Variants in ATP8A2 observed in about 807,000 individuals in gnomAD.
ATP8A2 encodes the protein phospholipid-transporting ATPase IB.
In ATP8A2, 100 loss-of-function variants were observed where a neutral mutation model predicts 165.6. That is an observed-to-expected ratio of 0.60 (90% CI 0.51 to 0.71). The LOEUF (loss-of-function observed/expected upper bound fraction) is 0.71, where lower values mean the gene tolerates loss of function less well. Among genes scored for constraint, ATP8A2 ranks in the 30% least tolerant of loss-of-function variants. The probability of loss-of-function intolerance (pLI) is 0.00; values close to 1 mark genes in which losing one functional copy is unlikely to be tolerated. For missense variants in ATP8A2, 1,227 were observed against 1,479.5 expected (o/e 0.83, Z 2.80); for synonymous variants, 543 against 548.8 (o/e 0.99, Z 0.15).
At chr13:25,777,857 T>C (rs112889664) in intron 27 of ATP8A2, among the ~76,000 whole-genome samples, 40 of 152,336 alleles carry the variant, frequency 2.6e-4, no homozygotes, top group African/African-American at 9.4e-4. Context: ...GATGTATTCA[T>C]GTTGCTATAT....
chr13:25,937,362 C>CTTTTTTTTTTTTTTTT (rs1555293658), intron 33 of ATP8A2, among the ~76,000 whole-genome samples: 7 of 38,796 alleles, frequency 1.8e-4, no homozygotes, highest in African/African-American at 4.8e-4. Flanking sequence ...TTCTTTCTTT[C>CTTTTTTTTTTTTTTTT]TTTTTTTTTT....
chr13:25,821,204 T>C (rs1951172229), intron 27 of ATP8A2, among the ~76,000 whole-genome samples: 1 of 152,208 alleles, frequency 6.6e-6, no homozygotes, highest in Non-Finnish European at 1.5e-5. Flanking sequence ...AGAGGAAATA[T>C]CCCAACATTC....
At chr13:25,829,669 TATA>T (rs1951407817) in intron 28 of ATP8A2, among the ~76,000 whole-genome samples, 1 of 2,642 alleles carries the variant, frequency 3.8e-4, no homozygotes, top group Non-Finnish European at 8.6e-4. Context: ...ACAGGTGTGG[TATA>T]TATATATATA....
intron 24 of ATP8A2, among the ~76,000 whole-genome samples, chr13:25,593,939 G>A (rs922532800): frequency 6.6e-6 from 1 of 152,224 alleles, no homozygotes; most frequent in African/African-American, 2.4e-5. Context: ...CTCAATGTGT[G>A]TGCTAGTTCC....
chr13:25,909,847 T>C (rs564176381), intron 33 of ATP8A2, among the ~76,000 whole-genome samples: 2 of 152,294 alleles, frequency 1.3e-5, no homozygotes, highest in African/African-American at 4.8e-5. Flanking sequence ...CTACTTCCTG[T>C]CTCTGTGAAT....
intron 25 of ATP8A2, among the ~76,000 whole-genome samples, chr13:25,748,221 G>A (rs1449301064): frequency 1.3e-5 from 2 of 152,090 alleles, no homozygotes; most frequent in Non-Finnish European, 2.9e-5. Flanking sequence ...ATTATTTTTC[G>A]ATGAAAGGAG....
chr13:25,820,287 C>T (rs1442081389), intron 27 of ATP8A2, among the ~76,000 whole-genome samples: 1 of 152,150 alleles, frequency 6.6e-6, no homozygotes, highest in Non-Finnish European at 1.5e-5. Flanking sequence ...TCAGTTTGCT[C>T]ATAACAACAC....
chr13:26,016,748 C>T (rs549002579), intron 36 of ATP8A2, among the ~76,000 whole-genome samples: 136 of 152,250 alleles, frequency 8.9e-4, no homozygotes, highest in African/African-American at 2.4e-3. Flanking sequence ...TCTTTTCTGA[C>T]GTGGATGCAG....
chr13:25,570,348 G>A (rs1349332614), intron 16 of ATP8A2, among the ~76,000 whole-genome samples: 1 of 152,150 alleles, frequency 6.6e-6, no homozygotes, highest in Non-Finnish European at 1.5e-5. Flanking sequence ...GGGTGAAGCA[G>A]AAGCACAGGG....
chr13:25,996,978 C>T (rs1956523809), intron 35 of ATP8A2, among the ~76,000 whole-genome samples: 1 of 152,216 alleles, frequency 6.6e-6, no homozygotes, highest in Non-Finnish European at 1.5e-5. Context: ...GCCACCATGC[C>T]CAGCCCATCT....
intron 4 of ATP8A2, among the ~76,000 whole-genome samples, chr13:25,531,255 TATATA>T (rs2038048138): frequency 1.4e-4 from 1 of 7,032 alleles, no homozygotes; most frequent in African/African-American, 2.6e-4. Flanking sequence ...TTATATATGA[TATATA>T]TGATATATAT....
Position 25,962,977 on chromosome 13 carries a change from T to C in ATP8A2, c.3272+1314T>C, listed in dbSNP as rs1179199011. On this transcript the variant is annotated intron_variant, in intron 34 of 36. Transcript: ENST00000381655. ...TTCTCATTTCTTAAATTCTTTGATT[T>C]ACCATTACTTCCATTTTATTTGGTA... 5.3e-5 allele frequency among the ~76,000 whole-genome samples: 8 copies of C among 152,352 alleles called. No individual in the cohort carries two copies. In the East Asian group the frequency reaches 1.5e-3, roughly 29 times the overall value.
intron 35 of ATP8A2, among the ~76,000 whole-genome samples, chr13:26,009,793 C>G (rs1956806544): frequency 6.6e-6 from 1 of 152,194 alleles, no homozygotes; most frequent in Non-Finnish European, 1.5e-5. Flanking sequence ...AGGCTGAGCA[C>G]AGTGGCTCAT....
chr13:25,441,429 C>T (rs916075604), intron 1 of ATP8A2, among the ~76,000 whole-genome samples: 1 of 152,138 alleles, frequency 6.6e-6, no homozygotes, highest in Non-Finnish European at 1.5e-5. Context: ...GAAGAACTGA[C>T]AGTGATTTAT....
rs115248435 is a variant in ATP8A2 at position 25,730,926 on chromosome 13, T to C, written c.2384+31581T>C. On this transcript the variant is annotated intron_variant, in intron 25 of 36. Transcript: ENST00000381655. ...CCTGTCTCTACAAAAACTCAAAAAA[T>C]TAGCCAGGTTGGCGGCACATACCTG... Among the ~76,000 whole-genome samples the C allele has an allele frequency of 8.4e-3, 1,279 of 151,958 alleles. 22 individuals carry two copies. Among genetic ancestry groups the C allele is most frequent in the African/African-American group, 0.029 (1,196 of 41,440 alleles).
chr13:25,885,880 C>T (rs1018610990), intron 33 of ATP8A2, among the ~76,000 whole-genome samples: 5 of 152,036 alleles, frequency 3.3e-5, no homozygotes, highest in East Asian at 1.9e-4. Context: ...CACTATTAAC[C>T]GTTAATAACC....
At chr13:25,515,953 TG>T (rs1179876636) in intron 2 of ATP8A2, among the ~76,000 whole-genome samples, 1 of 152,224 alleles carries the variant, frequency 6.6e-6, no homozygotes, top group African/African-American at 2.4e-5. Context: ...AACAAAGAAA[TG>T]TCAGTTAGAA....
At chr13:25,968,505 A>G (rs1276725475) in intron 34 of ATP8A2, 70 bp from the exon 35 acceptor site, 12 of 1,356,980 alleles carry the variant, frequency 8.8e-6, no homozygotes, top group African/African-American at 1.4e-5. Flanking sequence ...CTGAGAGGGG[A>G]GCGGCCTGTC....
chr13:25,675,476 G>C lies in ATP8A2; in HGVS notation c.2212-23697G>C, dbSNP rs542616934. ...AGGTGTACCTTGGGAAATACCTCCA[G>C]TTGTTTTCAGACACTTGCAAATATG... On this transcript the variant is annotated intron_variant, in intron 24 of 36. Coordinates refer to ENST00000381655, the MANE Select transcript of ATP8A2 (RefSeq NM_016529.6). Among the ~76,000 whole-genome samples the C allele has an allele frequency of 5.3e-5, 8 of 152,300 alleles. No homozygotes were observed. In the South Asian group the frequency reaches 1.2e-3, roughly 24 times the overall value.
Sources: gnomAD v4.1 joint callset for allele counts (sites outside exome capture counted in the v4.1 genomes callset) on GRCh38, gnomAD v4.1.1 for gene constraint, MANE v1.5 for transcripts, NCBI Gene and HGNC (gene_info 2026-07-23, HGNC 2026-07-21) for gene names.